COG8: variants seen among roughly 807,000 people sequenced by gnomAD.
COG8 encodes the protein component of oligomeric golgi complex 8.
In COG8, 45 loss-of-function variants were observed where a neutral mutation model predicts 46.5. The ratio of observed to expected loss-of-function variants is 0.97; its 90% CI spans 0.76 to 1.24. COG8 has a LOEUF of 1.24. COG8 is among the 50% of genes most tolerant of loss of function. COG8 has a pLI of 0.00. For synonymous variants in COG8, 407 were observed against 347.8 expected, an observed-to-expected ratio of 1.17 and a Z score of -1.90; for missense variants, 793 against 820.8, an observed-to-expected ratio of 0.97 and a Z score of 0.41.
intron 2 of COG8, 96 bp from the exon 3 acceptor site, chr16:69,335,444 G>A: frequency 9.8e-7 from 1 of 1,024,208 alleles, no homozygotes; most frequent in Non-Finnish European, 1.5e-6. Flanking sequence ...CATTCCCATG[G>A]CTTTCCTGAA....
intron 1 of COG8, among the ~76,000 whole-genome samples, chr16:69,337,757 G>T (rs1374025948): frequency 6.6e-6 from 1 of 150,768 alleles, no homozygotes; most frequent in Admixed American, 6.6e-5. Context: ...TTTTGAGACG[G>T]AGTCTTGCTC....
chr16:69,337,919 C>A (rs561888639), intron 1 of COG8, among the ~76,000 whole-genome samples: 1 of 151,296 alleles, frequency 6.6e-6, no homozygotes, highest in African/African-American at 2.4e-5. Context: ...TTTTAGTAGA[C>A]ATGGGGGTTT....
At chr16:69,331,783 G>A (rs1354263009) in intron 4 of COG8, among the ~76,000 whole-genome samples, 3 of 152,118 alleles carry the variant, frequency 2.0e-5, no homozygotes, top group Non-Finnish European at 4.4e-5. Context: ...TTACAGGCAT[G>A]AGCCACTGCG....
rs928534377 is a variant in COG8, at chr16:69,327,742, T to C, written c.*1464A>G. ...CTAAAACTGGAGTTTGGCTGGGTAG[T>C]GTGGCTCACAACTGATCCCAGCACT... On this transcript the variant is annotated 3_prime_UTR_variant, in exon 6 of 6. Transcript: ENST00000306875. 7.2e-5 allele frequency: 11 copies of C among 152,028 alleles called. 1 individual carries two copies. The highest frequency in any genetic ancestry group is 2.7e-4 in the African/African-American group (11 of 41,354). The allele number at this position is 152,028 out of a possible 1,614,324, so 9.4% of individuals were successfully genotyped here. A position where few individuals can be genotyped will look rare whatever the true frequency, so the allele number is the denominator to read the frequency against.
At position 69,329,072 on chromosome 16, in the gene COG8, T is replaced by C; in HGVS notation, c.*134A>G. On this transcript the variant is annotated 3_prime_UTR_variant, in exon 6 of 6. Transcript: ENST00000306875. ...ACGTTTGTGAACGTCCTGCTGTCCA[T>C]TTTGTCAATAAACAGGCAGCCCTGC... 2.5e-6 allele frequency: 4 copies of C among 1,612,174 alleles called. No homozygotes were observed. Among genetic ancestry groups the C allele is most frequent in the East Asian group, 2.2e-5 (1 of 44,792 alleles).
intron 5 of COG8, 40 bp from the exon 6 acceptor site, chr16:69,329,219 G>A (rs1313895458): frequency 6.5e-7 from 1 of 1,531,246 alleles, no homozygotes; most frequent in Admixed American, 2.1e-5. Context: ...GGGAACAGCT[G>A]AACTGCATCA....
At chr16:69,338,655 G>A (rs958389967) in intron 1 of COG8, 1 of 155,036 alleles carries the variant, frequency 6.5e-6, no homozygotes, top group Non-Finnish European at 1.4e-5. Context: ...CTGTGTCCTT[G>A]GACGTCACTA....
intron 5 of COG8, among the ~76,000 whole-genome samples, chr16:69,329,422 G>C (rs1965711605): frequency 6.6e-6 from 1 of 152,238 alleles, no homozygotes; most frequent in South Asian, 2.1e-4. Flanking sequence ...GCTGAGATGA[G>C]AAATCATCTT....
At chr16:69,333,771 T>C (rs2012031143) in intron 3 of COG8, among the ~76,000 whole-genome samples, 1 of 152,182 alleles carries the variant, frequency 6.6e-6, no homozygotes, top group South Asian at 2.1e-4. Context: ...GGAGGATCAC[T>C]TGAGTCCAGG....
chr16:69,338,974 C>G (rs1482660692), intron 1 of COG8: 1 of 723,158 alleles, frequency 1.4e-6, no homozygotes, highest in African/African-American at 1.8e-5. Context: ...AGCCTGGCGA[C>G]AGGGCGAGAC....
intron 1 of COG8, among the ~76,000 whole-genome samples, chr16:69,337,734 C>CTTT (rs879881954): frequency 1.3e-4 from 19 of 142,684 alleles, no homozygotes; most frequent in Middle Eastern, 3.5e-3. Context: ...TCACAAAGGA[C>CTTT]TTTTTTTTTT....
Position 69,329,162 on chromosome 16 carries a change from C to T in COG8, c.*44G>A, listed in dbSNP as rs757220214. ...CCGCTCGCCTGCCACACCACCTGTT[C>T]TCCATTGGGGTCCAGCCCTGCAAAG... On this transcript the variant is annotated 3_prime_UTR_variant, in exon 6 of 6. Coordinates refer to ENST00000306875, the MANE Select transcript of COG8 (RefSeq NM_032382.5). 4 of 1,606,122 alleles carry T rather than the reference C, an allele frequency of 2.5e-6. No homozygotes were observed. In the African/African-American group the frequency reaches 4.0e-5, roughly 16 times the overall value.
intron 4 of COG8, 44 bp downstream of exon 4, chr16:69,332,670 A>G: frequency 2.0e-6 from 3 of 1,518,454 alleles, no homozygotes; most frequent in Non-Finnish European, 2.7e-6. Flanking sequence ...TAGTATGTGA[A>G]TTACACATCA....
Position 69,332,795 on chromosome 16 carries a change from CAG to C in COG8, c.1499_1500del (p.Thr500SerfsTer39). On this transcript the variant is annotated frameshift_variant, in exon 4 of 6. Coordinates refer to ENST00000306875, the MANE Select transcript of COG8 (RefSeq NM_032382.5). LOFTEE classifies it high-confidence loss of function. ...TACGGAACAAGGTCTTCCAGGAAGA[CAG>C]TGCAGAACTGGACAAAGAGCTCTTG... ...GEQELFVQFC[T>X]VFLEDLVPYL... The C allele has an allele frequency of 6.2e-7, 1 of 1,614,172 alleles. No homozygotes were observed. Among genetic ancestry groups the C allele is most frequent in the Non-Finnish European group, 8.5e-7 (1 of 1,180,016 alleles).
chr16:69,330,617 G>C lies in COG8; in HGVS notation c.*26+196C>G, dbSNP rs1010699876. The C allele has an allele frequency of 7.1e-6, 10 of 1,408,364 alleles. No individual in the cohort carries two copies. In the African/African-American group the frequency reaches 7.6e-5, roughly 11 times the overall value. The allele number at this position is 1,408,364 out of a possible 1,614,324, so 87.2% of individuals were successfully genotyped here. On this transcript the variant is annotated intron_variant, in intron 5 of 5. Transcript: ENST00000306875. ...CCGGCCCGCCCCTTCCGGCCGCAGC[G>C]CGGGGCACGCCGGGAAGCGCCGTCG... is the stretch of plus-strand genomic sequence containing the variant.
intron 1 of COG8, chr16:69,338,935 A>T (rs1400912551): frequency 3.5e-6 from 2 of 572,334 alleles, no homozygotes; most frequent in Admixed American, 3.2e-5. Flanking sequence ...GGTAGGTTGC[A>T]GCGAGCCGAG....
rs185926308 is a variant in COG8 at position 69,331,830 on chromosome 16, A to T, written c.1583-735T>A. On this transcript the variant is annotated intron_variant, in intron 4 of 5. Transcript: ENST00000306875. ...ATTACTATGTTTTAATACAGCAAAA[A>T]CCACCTTTGTTACAGGGAATGGGAA... is the stretch of plus-strand genomic sequence containing the variant. Among the ~76,000 whole-genome samples, 134 of 152,248 alleles carry T rather than the reference A, an allele frequency of 8.8e-4. 3 individuals are homozygous for T. In the East Asian group the frequency reaches 0.012, roughly 14 times the overall value.
chr16:69,329,997 C>A, intron 5 of COG8: 1 of 1,534,246 alleles, frequency 6.5e-7, no homozygotes. Flanking sequence ...CCGCCCGCAC[C>A]TGAGATCTGC....
At chr16:69,332,984 G>A (rs2011979507) in intron 3 of COG8, 102 bp from the exon 4 acceptor site, 1 of 1,072,876 alleles carries the variant, frequency 9.3e-7, no homozygotes, top group South Asian at 1.3e-5. Context: ...CAGTTTTCCT[G>A]AACAAAGTAA....
Sources: gnomAD v4.1 joint callset for allele counts (sites outside exome capture counted in the v4.1 genomes callset) on GRCh38, gnomAD v4.1.1 for gene constraint, MANE v1.5 for transcripts, NCBI Gene and HGNC (gene_info 2026-07-23, HGNC 2026-07-21) for gene names.